Variants in BDP1 observed in about 807,000 individuals in gnomAD.
The protein encoded by BDP1 is BDP1 general transcription factor IIIB subunit.
BDP1 carries 169 observed loss-of-function variants against 266.6 expected under a neutral mutation model. That is an observed-to-expected ratio of 0.63 (90% CI 0.56 to 0.72). The LOEUF is 0.72. BDP1 is among the 30% of genes least tolerant of loss of function. BDP1 has a pLI of 0.00. For missense variants in BDP1, 3,015 were observed against 3,053.8 expected (o/e 0.99, Z 0.30); for synonymous variants, 1,090 against 1,022.4 (o/e 1.07, Z -1.26).
At chr5:71,564,154 T>C (rs556009321) in intron 38 of BDP1, among the ~76,000 whole-genome samples, 6 of 152,270 alleles carry the variant, frequency 3.9e-5, no homozygotes, top group Admixed American at 6.5e-5. Flanking sequence ...TATCAGATGC[T>C]AAATTTCTAT....
chr5:71,502,708 G>A lies in BDP1; in HGVS notation c.2158G>A (p.Glu720Lys), dbSNP rs751665557. 6.6e-5 allele frequency: 106 copies of A among 1,613,900 alleles called. No homozygotes were observed. Among genetic ancestry groups the A allele is most frequent in the Non-Finnish European group, 8.1e-5 (96 of 1,180,002 alleles). ...KPKPNAGKAA[E>K]RKEILISQEE... ...AAAGCCAAATGCAGGTAAAGCTGCT[G>A]AAAGAAAAGAAATTCTCATATCACA... The change falls in exon 15 of 39, where the codon GAA (glutamate) becomes AAA (lysine). Residue 720 changes from glutamate (E) to lysine (K), a missense_variant. Glu to Lys is a moderately conservative substitution (Grantham distance 56). Transcript: ENST00000358731.
chr5:71,519,857 A>C (rs1765409195), intron 22 of BDP1, among the ~76,000 whole-genome samples: 1 of 152,190 alleles, frequency 6.6e-6, no homozygotes, highest in Admixed American at 6.5e-5. Flanking sequence ...ATCAAATGGT[A>C]GTTCTATTTT....
intron 6 of BDP1, among the ~76,000 whole-genome samples, chr5:71,468,854 G>C (rs1016928917): frequency 2.0e-5 from 3 of 151,492 alleles, no homozygotes; most frequent in African/African-American, 7.3e-5. Context: ...TGATCCGCCT[G>C]CCTCAGCCTC....
intron 32 of BDP1, among the ~76,000 whole-genome samples, chr5:71,545,781 A>G (rs912887764): frequency 1.3e-5 from 2 of 152,108 alleles, no homozygotes; most frequent in Admixed American, 6.5e-5. Flanking sequence ...AAGGGAGAGG[A>G]ACGTGTGTGT....
the BDP1 span, among the ~76,000 whole-genome samples, chr5:71,574,373 G>A: frequency 0.35 from 53,596 of 151,898 alleles, 10,083 homozygotes; most frequent in South Asian, 0.46. Context: ...GTCAGGAAAC[G>A]AGACGGGGCC....
intron 22 of BDP1, among the ~76,000 whole-genome samples, chr5:71,519,624 T>A (rs927877195): frequency 6.6e-6 from 1 of 152,240 alleles, no homozygotes; most frequent in Non-Finnish European, 1.5e-5. Context: ...TCTATGTCAC[T>A]GTGAATGACA....
At chr5:71,512,169 C>A in intron 17 of BDP1, 72 bp from the exon 18 acceptor site, 1 of 741,844 alleles carries the variant, frequency 1.3e-6, no homozygotes, top group African/African-American at 1.8e-5. Flanking sequence ...ATTTAGTAGA[C>A]TTTTGTTTTA....
chr5:71,470,528 C>T (rs200406589), intron 7 of BDP1, 39 bp downstream of exon 7: 86 of 1,270,216 alleles, frequency 6.8e-5, no homozygotes, highest in Non-Finnish European at 9.5e-5. Flanking sequence ...TGGAAAGAGA[C>T]CAAACATTAC....
rs1276169322 is a variant in BDP1 at position 71,467,460 on chromosome 5, T to C, written c.892T>C (p.Tyr298His). 6.2e-7 allele frequency: 1 copy of C among 1,607,726 alleles called. No individual in the cohort carries two copies. The highest frequency in any genetic ancestry group is 1.7e-5 in the Admixed American group (1 of 59,740). ...TACATACTCCAGCTTTAGGAAAAAC[T>C]ATTACTCTAAACCATGGTCAAATAA... ...TTTYSSFRKN[Y>H]YSKPWSNKET... The change falls in exon 6 of 39, where the codon TAT (tyrosine) becomes CAT (histidine). Residue 298 changes from tyrosine to histidine, a missense_variant. Transcript: ENST00000358731.
chr5:71,460,962 C>G (rs1330441361), intron 2 of BDP1, among the ~76,000 whole-genome samples: 1 of 151,976 alleles, frequency 6.6e-6, no homozygotes, highest in Non-Finnish European at 1.5e-5. Context: ...ATACATTGAG[C>G]TTTATTAGTT....
In BDP1 at chr5:71,499,141, C is replaced by T. The variant is rs187070502; in HGVS notation, c.1956+1715C>T. 2.3e-3 allele frequency among the ~76,000 whole-genome samples: 346 copies of T among 152,300 alleles called. 2 individuals are homozygous for T. The highest frequency in any genetic ancestry group is 0.01 in the Middle Eastern group (3 of 294). On this transcript the variant is annotated intron_variant, in intron 13 of 38. Coordinates refer to ENST00000358731, the MANE Select transcript of BDP1 (RefSeq NM_018429.3). Reference sequence around the variant, plus strand: ...TTGAGACGGAGTCTCGCCCTGTCGCCCAGGCTGTGGTGCGATGGCGTGATC... The same window carrying T: ...TTGAGACGGAGTCTCGCCCTGTCGCTCAGGCTGTGGTGCGATGGCGTGATC...
In BDP1 at chr5:71,567,431, T is replaced by C. The variant is rs528646320; in HGVS notation, c.*2546T>C. The C allele has an allele frequency of 5.3e-5, 8 of 152,342 alleles. No individual in the cohort carries two copies. The East Asian group carries it at 1.5e-3, about 29-fold the overall frequency. The allele number at this position is 152,342 out of a possible 1,614,324, so 9.4% of individuals were successfully genotyped here. A position where few individuals can be genotyped will look rare whatever the true frequency, so the allele number is the denominator to read the frequency against. On this transcript the variant is annotated 3_prime_UTR_variant, in exon 39 of 39. Transcript: ENST00000358731. ...TTGGAAAAGAGAAAGTTAATCAATGTATTTACCTTACATGTTGGAAAGAAC... is the reference window on the plus strand; with the variant it reads ...TTGGAAAAGAGAAAGTTAATCAATGCATTTACCTTACATGTTGGAAAGAAC...
rs558296118 is a variant in BDP1, at chr5:71,470,293, C to A, written c.920-102C>A. The A allele has an allele frequency of 1.4e-4, 118 of 842,174 alleles. No individual in the cohort carries two copies. In the African/African-American group the frequency reaches 1.9e-3, roughly 13 times the overall value. The allele number at this position is 842,174 out of a possible 1,614,324, so 52.2% of individuals were successfully genotyped here. On this transcript the variant is annotated intron_variant, in intron 6 of 38. Transcript: ENST00000358731. ...GTGTTTTTAGGTATTGCATGGGGAT[C>A]TTTCTAGTAAAATTAAGTACTGTCA...
chr5:71,492,657 G>A (rs891509313), intron 11 of BDP1, among the ~76,000 whole-genome samples: 3 of 152,220 alleles, frequency 2.0e-5, no homozygotes, highest in African/African-American at 7.2e-5. Flanking sequence ...TCAGAAATAT[G>A]ATTTACACAT....
intron 34 of BDP1, among the ~76,000 whole-genome samples, chr5:71,551,214 C>A (rs1742724251): frequency 6.6e-6 from 1 of 152,028 alleles, no homozygotes; most frequent in African/African-American, 2.4e-5. Flanking sequence ...AGCAGATAAA[C>A]AAGTGAACAA....
At position 71,486,576 on chromosome 5, in the gene BDP1, A is replaced by G. The variant is rs769647902; in HGVS notation, c.1162A>G (p.Asn388Asp). Residue 388 changes from asparagine to aspartate, a missense_variant, in exon 9 of 39, where the codon AAT (asparagine) becomes GAT (aspartate). Transcript: ENST00000358731. ...GAAAAGAAAACAAAAATCTGTTAAA[A>G]ATCACAGTTTAAAGGAGAAGAAATC... ...EEKRKQKSVK[N>D]HSLKEKKSTK... 1 of 1,545,214 alleles carries G rather than the reference A, an allele frequency of 6.5e-7. No individual in the cohort carries two copies. Among genetic ancestry groups the G allele is most frequent in the South Asian group, 1.3e-5 (1 of 78,856 alleles).
At position 71,560,248 on chromosome 5, in the gene BDP1, C is replaced by T; in HGVS notation, c.7496+11C>T. ...AGCCTCACTATCCAGGTATCATGAA[C>T]AAATCTTTAATAAGTGTTTTGCTCT... On this transcript the variant is annotated intron_variant, in intron 37 of 38. Transcript: ENST00000358731. 6.2e-7 allele frequency: 1 copy of T among 1,611,462 alleles called. No individual in the cohort carries two copies. Among genetic ancestry groups the T allele is most frequent in the Non-Finnish European group, 8.5e-7 (1 of 1,178,790 alleles).
chr5:71,467,631 G>T, intron 6 of BDP1, 144 bp downstream of exon 6: 1 of 692,294 alleles, frequency 1.4e-6, no homozygotes. Context: ...TCTATCTTAT[G>T]CCCTCCATGG....
intron 5 of BDP1, among the ~76,000 whole-genome samples, chr5:71,467,082 C>T (rs1441224712): frequency 2.6e-5 from 4 of 152,102 alleles, no homozygotes; most frequent in African/African-American, 4.8e-5. Context: ...ATACAAATAC[C>T]GTTTTATAAT....
Sources: gnomAD v4.1 joint callset for allele counts (sites outside exome capture counted in the v4.1 genomes callset) on GRCh38, gnomAD v4.1.1 for gene constraint, MANE v1.5 for transcripts, NCBI Gene and HGNC (gene_info 2026-07-23, HGNC 2026-07-21) for gene names.